Variants in LYPLAL1 observed in about 807,000 individuals in gnomAD.
LYPLAL1 encodes lysophospholipase-like protein 1.
A neutral mutation model predicts 19.7 loss-of-function variants in LYPLAL1; 23 were observed. That is an observed-to-expected ratio of 1.17 (90% confidence interval 0.84 to 1.65). The LOEUF (loss-of-function observed/expected upper bound fraction) is 1.65, where lower values mean the gene tolerates loss of function less well. Among genes scored for constraint, LYPLAL1 ranks in the 40% most tolerant of loss-of-function variants. The pLI, the probability that LYPLAL1 is intolerant of heterozygous loss-of-function variation, is 0.00. For missense variants in LYPLAL1, 355 were observed against 279.4 expected, an observed-to-expected ratio of 1.27 and a Z score of -1.93; for synonymous variants, 119 against 96.3, an observed-to-expected ratio of 1.24 and a Z score of -1.38.
the LYPLAL1 span, among the ~76,000 whole-genome samples, chr1:219,397,065 G>A: frequency 1.3e-5 from 2 of 152,114 alleles, no homozygotes; most frequent in African/African-American, 4.8e-5. Context: ...ATAGATGGCT[G>A]TTATTATTTT....
intron 3 of LYPLAL1, among the ~76,000 whole-genome samples, chr1:219,208,820 T>C (rs1658776137): frequency 6.6e-6 from 1 of 152,136 alleles, no homozygotes; most frequent in African/African-American, 2.4e-5. Flanking sequence ...AATCTGTAAC[T>C]AGAATTGTGG....
the LYPLAL1 span, among the ~76,000 whole-genome samples, chr1:219,371,441 C>A: frequency 6.6e-6 from 1 of 152,110 alleles, no homozygotes; most frequent in Non-Finnish European, 1.5e-5. Flanking sequence ...GACTAATGAA[C>A]AATATTCTGT....
the LYPLAL1 span, among the ~76,000 whole-genome samples, chr1:219,306,403 A>G: frequency 6.6e-6 from 1 of 152,188 alleles, no homozygotes. Context: ...TGAGATTAAC[A>G]TTTGAATCAG....
intron 2 of LYPLAL1, among the ~76,000 whole-genome samples, chr1:219,183,901 G>A (rs569124322): frequency 4.6e-5 from 7 of 151,896 alleles, no homozygotes; most frequent in East Asian, 1.9e-4. Context: ...CTTGTTACAC[G>A]TCTTTTTGTG....
chr1:219,327,784 A>G, the LYPLAL1 span, among the ~76,000 whole-genome samples: 1 of 152,094 alleles, frequency 6.6e-6, no homozygotes, highest in Non-Finnish European at 1.5e-5. Context: ...TGATGGTTTT[A>G]TAAGGGGAAA....
chr1:219,306,786 A>ATAGATAGG, the LYPLAL1 span, among the ~76,000 whole-genome samples: 1 of 144,126 alleles, frequency 6.9e-6, no homozygotes, highest in Non-Finnish European at 1.5e-5. Flanking sequence ...AGATAGATAG[A>ATAGATAGG]TACATAGACA....
chr1:219,306,916 C>G, the LYPLAL1 span, among the ~76,000 whole-genome samples: 2 of 151,360 alleles, frequency 1.3e-5, no homozygotes, highest in South Asian at 4.2e-4. Context: ...CCTGTTTCTC[C>G]GGAAAACCCT....
the LYPLAL1 span, among the ~76,000 whole-genome samples, chr1:219,328,337 C>T: frequency 6.6e-6 from 1 of 152,244 alleles, no homozygotes; most frequent in Middle Eastern, 3.4e-3. Context: ...CCATGCCTTC[C>T]TAGGTGATGT....
At chr1:219,322,736 G>C in the LYPLAL1 span, among the ~76,000 whole-genome samples, 1 of 152,124 alleles carries the variant, frequency 6.6e-6, no homozygotes, top group Admixed American at 6.5e-5. Context: ...TCCTCACTTA[G>C]CCCATTTTCT....
the LYPLAL1 span, among the ~76,000 whole-genome samples, chr1:219,268,828 A>C: frequency 7.2e-5 from 11 of 152,182 alleles, no homozygotes; most frequent in Non-Finnish European, 1.6e-4. Flanking sequence ...TCAACCTCAC[A>C]GTCTACCCTG....
At chr1:219,279,298 A>G in the LYPLAL1 span, among the ~76,000 whole-genome samples, 1 of 152,190 alleles carries the variant, frequency 6.6e-6, no homozygotes, top group Non-Finnish European at 1.5e-5. Context: ...ACTCCATGCC[A>G]GTACATTTAG....
At chr1:219,438,827 TGTTGATAAC>T in the LYPLAL1 span, among the ~76,000 whole-genome samples, 1 of 152,204 alleles carries the variant, frequency 6.6e-6, no homozygotes, top group Non-Finnish European at 1.5e-5. Context: ...TCTAGGCCAC[TGTTGATAAC>T]ATATCCATCC....
chr1:219,328,621 C>T, the LYPLAL1 span, among the ~76,000 whole-genome samples: 2 of 152,116 alleles, frequency 1.3e-5, no homozygotes, highest in African/African-American at 4.8e-5. Context: ...TACACACGCT[C>T]ACAAATGGAA....
At chr1:219,184,287 T>A (rs182456706) in intron 2 of LYPLAL1, among the ~76,000 whole-genome samples, 1 of 152,076 alleles carries the variant, frequency 6.6e-6, no homozygotes, top group East Asian at 1.9e-4. Context: ...TTCTTCATGT[T>A]ATTGTAAATG....
At chr1:219,241,555 A>G in the LYPLAL1 span, among the ~76,000 whole-genome samples, 1 of 152,174 alleles carries the variant, frequency 6.6e-6, no homozygotes, top group Admixed American at 6.5e-5. Context: ...ATATCTAGAC[A>G]TCAAAGAATG....
At chr1:219,349,998 G>T in the LYPLAL1 span, among the ~76,000 whole-genome samples, 3 of 152,156 alleles carry the variant, frequency 2.0e-5, no homozygotes, top group Non-Finnish European at 4.4e-5. Context: ...TGATGCCTTT[G>T]ATTTCACTGC....
At chr1:219,327,634 T>G in the LYPLAL1 span, among the ~76,000 whole-genome samples, 1 of 152,236 alleles carries the variant, frequency 6.6e-6, no homozygotes, top group Non-Finnish European at 1.5e-5. Context: ...CTAGGAATAG[T>G]GTGATATAGT....
chr1:219,174,101 C>G, intron 1 of LYPLAL1, 120 bp downstream of exon 1: 1 of 1,494,794 alleles, frequency 6.7e-7, no homozygotes, highest in South Asian at 1.3e-5. Context: ...TGGGTGGCTC[C>G]CCCGTCGCCA....
At chr1:219,401,677 A>T in the LYPLAL1 span, among the ~76,000 whole-genome samples, 34 of 152,312 alleles carry the variant, frequency 2.2e-4, no homozygotes, top group Non-Finnish European at 3.7e-4. Flanking sequence ...GCAAAATATT[A>T]TAAAGTTTAC....
Sources: allele counts gnomAD v4.1 joint callset (sites outside exome capture counted in the v4.1 genomes callset), GRCh38; gene constraint gnomAD v4.1.1; transcripts MANE v1.5; gene names NCBI Gene and HGNC (gene_info 2026-07-23, HGNC 2026-07-21).